The following MAGI1 variants were observed in gnomAD, a reference collection of about 807,000 sequenced individuals.
The protein encoded by MAGI1 is membrane associated guanylate kinase, WW and PDZ domain containing 1.
In MAGI1, 58 loss-of-function variants were observed where a neutral mutation model predicts 139.9. The observed-to-expected ratio is 0.41, with a 90% CI of 0.34 to 0.52. MAGI1 has a LOEUF of 0.52. Ranked by LOEUF, MAGI1 falls within the 20% of genes least tolerant of loss-of-function variation. The pLI is 0.12. For missense variants in MAGI1, 1,874 were observed against 1,901.6 expected (o/e 0.99, Z 0.27); for synonymous variants, 812 against 737.9 (o/e 1.10, Z -1.63).
At chr3:65,561,233 G>C (rs1424215900) in intron 2 of MAGI1, among the ~76,000 whole-genome samples, 1 of 152,152 alleles carries the variant, frequency 6.6e-6, no homozygotes, top group African/African-American at 2.4e-5. Context: ...GCAGAGCTAT[G>C]AGTTATTCAT....
chr3:65,505,246 T>A (rs1018352931), intron 2 of MAGI1, among the ~76,000 whole-genome samples: 1 of 152,174 alleles, frequency 6.6e-6, no homozygotes, highest in Non-Finnish European at 1.5e-5. Context: ...AACCAGATAA[T>A]TTTCAAAAGC....
At position 65,478,695 on chromosome 3, in the gene MAGI1, G is replaced by A; in HGVS notation, c.654C>T (p.Thr218=). 6.2e-7 allele frequency: 1 copy of A among 1,613,952 alleles called. No homozygotes were observed. Among genetic ancestry groups the A allele is most frequent in the Non-Finnish European group, 8.5e-7 (1 of 1,179,974 alleles). ...CATTGTAGGACTTGGTTCGCTTCGGGGTCGACTGCTTAGAGCCAGACTGAA... is the reference window on the plus strand; with the variant it reads ...CATTGTAGGACTTGGTTCGCTTCGGAGTCGACTGCTTAGAGCCAGACTGAA... ...HSLQSGSKQS[T]PKRTKSYNDM... Residue 218 remains threonine (T), a synonymous_variant, in exon 4 of 23, where the codon ACC becomes ACT. Coordinates refer to ENST00000402939, the MANE Select transcript of MAGI1 (RefSeq NM_001033057.2).
intron 2 of MAGI1, among the ~76,000 whole-genome samples, chr3:65,541,425 G>T (rs1025268361): frequency 6.6e-6 from 1 of 152,128 alleles, no homozygotes; most frequent in African/African-American, 2.4e-5. Context: ...ATTTTATGAG[G>T]CCAGCATCAT....
At chr3:65,758,888 G>T (rs1397790936) in intron 1 of MAGI1, among the ~76,000 whole-genome samples, 1 of 151,952 alleles carries the variant, frequency 6.6e-6, no homozygotes, top group African/African-American at 2.4e-5. Flanking sequence ...CTGAAAAATA[G>T]GCAAATGTTT....
chr3:65,505,360 T>C (rs1417764377), intron 2 of MAGI1, among the ~76,000 whole-genome samples: 2 of 147,748 alleles, frequency 1.4e-5, no homozygotes, highest in African/African-American at 2.5e-5. Context: ...AAATACTGAA[T>C]GTTTCTAATA....
intron 13 of MAGI1, among the ~76,000 whole-genome samples, chr3:65,398,686 T>C (rs1286912594): frequency 6.6e-6 from 1 of 152,184 alleles, no homozygotes; most frequent in Non-Finnish European, 1.5e-5. Flanking sequence ...ATGATTAAGT[T>C]GGGCCACAGA....
chr3:65,395,599 T>C (rs998333081), intron 13 of MAGI1, among the ~76,000 whole-genome samples: 3 of 111,298 alleles, frequency 2.7e-5, no homozygotes, highest in Non-Finnish European at 5.4e-5. Context: ...ATCACACTAC[T>C]GCACTCCAGC....
rs72908164 is a variant in MAGI1 at position 65,688,032 on chromosome 3, G to A, written c.314-65944C>T. On this transcript the variant is annotated intron_variant, in intron 1 of 22. Coordinates refer to ENST00000402939, the MANE Select transcript of MAGI1 (RefSeq NM_001033057.2). ...CTGGCTTTGAGCCCCTCACACCCTG[G>A]ATCCTAGGCCTACTAAGTCATTATG... is the stretch of plus-strand genomic sequence containing the variant. 3.6e-3 allele frequency: 2,953 copies of A among 824,984 alleles called. 62 individuals are homozygous for A. The African/African-American group carries it at 0.045, about 12-fold the overall frequency. The allele number at this position is 824,984 out of a possible 1,614,324, so 51.1% of individuals were successfully genotyped here.
intron 1 of MAGI1, among the ~76,000 whole-genome samples, chr3:65,795,692 A>G (rs1037176370): frequency 2.8e-5 from 2 of 70,902 alleles, no homozygotes; most frequent in Admixed American, 3.8e-4. Context: ...ATAAGATGAT[A>G]AGATACACAC....
chr3:65,398,562 G>A (rs1381936729), intron 13 of MAGI1, among the ~76,000 whole-genome samples: 1 of 152,094 alleles, frequency 6.6e-6, no homozygotes, highest in African/African-American at 2.4e-5. Flanking sequence ...GAAAACGGTG[G>A]ATACTGACTT....
intron 1 of MAGI1, among the ~76,000 whole-genome samples, chr3:65,832,832 T>C (rs1385567540): frequency 6.6e-6 from 1 of 152,140 alleles, no homozygotes; most frequent in Non-Finnish European, 1.5e-5. Flanking sequence ...CCATTATGGA[T>C]ACTATTTTGT....
chr3:65,894,556 T>C (rs1042326102), intron 1 of MAGI1, among the ~76,000 whole-genome samples: 1 of 152,230 alleles, frequency 6.6e-6, no homozygotes, highest in Non-Finnish European at 1.5e-5. Flanking sequence ...TGATGTCAAA[T>C]GTTAGCATTT....
At chr3:65,848,631 G>A (rs1021273008) in intron 1 of MAGI1, among the ~76,000 whole-genome samples, 10 of 151,304 alleles carry the variant, frequency 6.6e-5, no homozygotes, top group Non-Finnish European at 1.2e-4. Flanking sequence ...CTGAAGGGAA[G>A]AAACTGATTT....
intron 1 of MAGI1, among the ~76,000 whole-genome samples, chr3:65,815,077 T>A (rs2041514064): frequency 1.3e-5 from 2 of 152,212 alleles, no homozygotes; most frequent in African/African-American, 2.4e-5. Context: ...GTTGCTGCCA[T>A]GAGAGCCCCT....
chr3:65,621,021 T>TC (rs1220123363), intron 2 of MAGI1, among the ~76,000 whole-genome samples: 1 of 151,940 alleles, frequency 6.6e-6, no homozygotes, highest in Non-Finnish European at 1.5e-5. Flanking sequence ...GCAAGTTTTT[T>TC]TTTTAAAAGA....
At chr3:65,404,696 T>C (rs1048996668) in intron 12 of MAGI1, among the ~76,000 whole-genome samples, 2 of 152,206 alleles carry the variant, frequency 1.3e-5, no homozygotes, top group Non-Finnish European at 2.9e-5. Flanking sequence ...TTCAGATGGA[T>C]TGAAAACAGC....
At chr3:65,876,031 ATGCTGTGAGGGTTTTTCAGTTC>A (rs1210225627) in intron 1 of MAGI1, among the ~76,000 whole-genome samples, 5 of 151,784 alleles carry the variant, frequency 3.3e-5, no homozygotes, top group Non-Finnish European at 7.4e-5. Context: ...AGGTTTAGCT[ATGCTGTGAGGGTTTTTCAGTTC>A]TGCTGTGAGG....
At chr3:65,644,613 A>T (rs937493350) in intron 1 of MAGI1, among the ~76,000 whole-genome samples, 1 of 152,148 alleles carries the variant, frequency 6.6e-6, no homozygotes, top group South Asian at 2.1e-4. Context: ...ACTATAAATT[A>T]TAACCAATGA....
At chr3:65,553,513 G>A (rs1448390468) in intron 2 of MAGI1, among the ~76,000 whole-genome samples, 2 of 152,178 alleles carry the variant, frequency 1.3e-5, no homozygotes, top group South Asian at 4.1e-4. Context: ...CAATGGAGAT[G>A]TAACAGTGAA....
Sources: gnomAD v4.1 joint callset for allele counts (sites outside exome capture counted in the v4.1 genomes callset) on GRCh38, gnomAD v4.1.1 for gene constraint, MANE v1.5 for transcripts, NCBI Gene and HGNC (gene_info 2026-07-23, HGNC 2026-07-21) for gene names.